KLF12: variants seen among roughly 807,000 people sequenced by gnomAD.
KLF12 encodes Krueppel-like factor 12.
A neutral mutation model predicts 37.8 loss-of-function variants in KLF12; 9 were observed. The ratio of observed to expected loss-of-function variants is 0.24; its 90% CI spans 0.14 to 0.42. The LOEUF (loss-of-function observed/expected upper bound fraction) is 0.42, where lower values mean the gene tolerates loss of function less well. Ranked by LOEUF, KLF12 falls within the 10% of genes least tolerant of loss-of-function variation. The probability of loss-of-function intolerance (pLI) is 1.00; values close to 1 mark genes in which losing one functional copy is unlikely to be tolerated. For synonymous variants in KLF12, 208 were observed against 202.1 expected, an observed-to-expected ratio of 1.03 and a Z score of -0.25; for missense variants, 411 against 516.0, an observed-to-expected ratio of 0.80 and a Z score of 1.97.
At chr13:74,112,342 G>A (rs917587863) in intron 1 of KLF12, among the ~76,000 whole-genome samples, 4 of 143,136 alleles carry the variant, frequency 2.8e-5, no homozygotes, top group African/African-American at 1.0e-4. Flanking sequence ...ATACAGGCAT[G>A]CCTTATTTTG....
chr13:74,213,645 T>C, the KLF12 span, among the ~76,000 whole-genome samples: 2 of 144,956 alleles, frequency 1.4e-5, no homozygotes, highest in Non-Finnish European at 3.0e-5. Context: ...TTTCCTCCCT[T>C]CCTTCCTTCC....
chr13:73,944,634 T>TA (rs1293749812), intron 2 of KLF12, among the ~76,000 whole-genome samples: 1 of 152,218 alleles, frequency 6.6e-6, no homozygotes, highest in Non-Finnish European at 1.5e-5. Context: ...ACATAAATCT[T>TA]AGATTAAGAG....
At chr13:73,871,216 T>C (rs923708707) in intron 3 of KLF12, among the ~76,000 whole-genome samples, 1 of 152,172 alleles carries the variant, frequency 6.6e-6, no homozygotes, top group Non-Finnish European at 1.5e-5. Context: ...GAGGCAGTTG[T>C]GTCAGCTGTA....
chr13:74,078,294 C>G (rs971361457), intron 1 of KLF12, among the ~76,000 whole-genome samples: 1 of 152,162 alleles, frequency 6.6e-6, no homozygotes, highest in Non-Finnish European at 1.5e-5. Context: ...CACAGTGAAG[C>G]TCTGCAAATT....
intron 7 of KLF12, among the ~76,000 whole-genome samples, chr13:73,701,232 G>A (rs1177081854): frequency 6.6e-6 from 1 of 152,146 alleles, no homozygotes; most frequent in Non-Finnish European, 1.5e-5. Context: ...TCTGCATCAG[G>A]TTGAGCAGTG....
chr13:73,931,319 C>T (rs904270532), intron 3 of KLF12, among the ~76,000 whole-genome samples: 2 of 152,118 alleles, frequency 1.3e-5, no homozygotes, highest in African/African-American at 4.8e-5. Context: ...TGAATTCATA[C>T]ATTTTATTAT....
In KLF12 at chr13:74,010,343, C is replaced by T. The variant is rs80107757; in HGVS notation, c.-31-15290G>A. The stretch of plus-strand genomic sequence containing the variant: ...CTCAGAAGTTACTGGAAAGCAACTC[C>T]CCCACCTATTTTGGTAAGACCACGA... On this transcript the variant is annotated intron_variant, in intron 1 of 7. Coordinates refer to ENST00000377669, the MANE Select transcript of KLF12 (RefSeq NM_007249.5). Among the ~76,000 whole-genome samples, 1,365 of 152,292 alleles carry T rather than the reference C, an allele frequency of 9.0e-3. 8 individuals are homozygous for T. The highest frequency in any genetic ancestry group is 0.014 in the Middle Eastern group (4 of 294).
At chr13:74,099,934 T>C (rs1373620569) in intron 1 of KLF12, among the ~76,000 whole-genome samples, 1 of 152,120 alleles carries the variant, frequency 6.6e-6, no homozygotes, top group East Asian at 1.9e-4. Context: ...CCATAAAACA[T>C]TCCTGTATTT....
At chr13:73,899,943 T>C (rs1362053626) in intron 3 of KLF12, among the ~76,000 whole-genome samples, 1 of 152,192 alleles carries the variant, frequency 6.6e-6, no homozygotes, top group African/African-American at 2.4e-5. Context: ...AAGTCTCCTC[T>C]CATATATGTT....
intron 2 of KLF12, among the ~76,000 whole-genome samples, chr13:73,948,106 T>A (rs1330499670): frequency 6.6e-6 from 1 of 152,206 alleles, no homozygotes; most frequent in African/African-American, 2.4e-5. Context: ...CTACAGGTGA[T>A]GAGAAATAAG....
intron 3 of KLF12, among the ~76,000 whole-genome samples, chr13:73,870,782 CTCTTT>C (rs1409605128): frequency 2.0e-5 from 3 of 152,166 alleles, no homozygotes; most frequent in African/African-American, 7.2e-5. Context: ...GCCTTGTCAT[CTCTTT>C]TGTCTTTCAA....
At chr13:73,789,097 T>C (rs1478729651) in intron 5 of KLF12, among the ~76,000 whole-genome samples, 2 of 152,180 alleles carry the variant, frequency 1.3e-5, no homozygotes, top group African/African-American at 4.8e-5. Context: ...AGGGCACAAA[T>C]GATCTTGATA....
At chr13:73,945,279 G>T (rs1003163811) in intron 2 of KLF12, among the ~76,000 whole-genome samples, 3 of 152,120 alleles carry the variant, frequency 2.0e-5, no homozygotes, top group Non-Finnish European at 2.9e-5. Context: ...GACCAGCCTG[G>T]CCAACACGGT....
chr13:73,695,678 G>A lies in KLF12; in HGVS notation c.1028-7C>T, dbSNP rs904692672. The A allele has an allele frequency of 6.2e-7, 1 of 1,613,164 alleles. No individual in the cohort carries two copies. Among genetic ancestry groups the A allele is most frequent in the South Asian group, 1.1e-5 (1 of 91,028 alleles). The stretch of plus-strand genomic sequence containing the variant: ...CACTTGTAAGGTTTCTCTCCTGGAA[G>A]AAACAAAGGAACACAAGCTTTGGTG... On this transcript the variant is annotated splice_polypyrimidine_tract_variant and splice_region_variant and intron_variant, in intron 7 of 7. Transcript: ENST00000377669.
chr13:73,729,136 G>A lies in KLF12; in HGVS notation c.870-13611C>T, dbSNP rs144529810. Among the ~76,000 whole-genome samples the A allele has an allele frequency of 1.5e-3, 233 of 152,174 alleles. 2 individuals are homozygous for A. The highest frequency in any genetic ancestry group is 5.2e-3 in the African/African-American group (214 of 41,490). ...ACTTTTCATATCACTAAAGTTTCAC[G>A]GCCATGATGTCCACTGAATACACAG... On this transcript the variant is annotated intron_variant, in intron 6 of 7. Transcript: ENST00000377669.
At chr13:74,231,613 A>G in the KLF12 span, 4 of 152,320 alleles carry the variant, frequency 2.6e-5, no homozygotes, top group South Asian at 2.1e-4. Flanking sequence ...CATATACAAC[A>G]TAATGTATAT....
the KLF12 span, among the ~76,000 whole-genome samples, chr13:74,256,688 T>TTGTGTG: frequency 0.014 from 2,088 of 147,988 alleles, 22 homozygotes; most frequent in African/African-American, 0.02. Context: ...TGAGTAGAGC[T>TTGTGTG]TGTGTGTGTG....
At chr13:73,814,831 C>T (rs923995623) in intron 4 of KLF12, among the ~76,000 whole-genome samples, 3 of 151,922 alleles carry the variant, frequency 2.0e-5, no homozygotes, top group African/African-American at 7.3e-5. Flanking sequence ...CCACCATGCA[C>T]AGGACAGTCA....
intron 1 of KLF12, among the ~76,000 whole-genome samples, chr13:74,094,205 T>G (rs1234705725): frequency 6.6e-6 from 1 of 152,196 alleles, no homozygotes; most frequent in East Asian, 1.9e-4. Flanking sequence ...AAAATCTCAT[T>G]TATCTACTTG....
Sources: gnomAD v4.1 joint callset for allele counts (sites outside exome capture counted in the v4.1 genomes callset) on GRCh38, gnomAD v4.1.1 for gene constraint, MANE v1.5 for transcripts, NCBI Gene and HGNC (gene_info 2026-07-23, HGNC 2026-07-21) for gene names.